The following FAM81A variants were observed in gnomAD, a reference collection of about 807,000 sequenced individuals.
FAM81A encodes the protein family with sequence similarity 81 member A.
FAM81A carries 19 observed loss-of-function variants against 46.7 expected under a neutral mutation model. The observed-to-expected ratio is 0.41, with a 90% CI of 0.28 to 0.60. The LOEUF (loss-of-function observed/expected upper bound fraction) is 0.60, where lower values mean the gene tolerates loss of function less well. Among genes scored for constraint, FAM81A ranks in the 20% least tolerant of loss-of-function variants. FAM81A has a pLI of 0.34. For synonymous variants in FAM81A, 183 were observed against 152.9 expected (o/e 1.20, Z -1.45); for missense variants, 377 against 453.5 (o/e 0.83, Z 1.53).
chr15:59,502,371 C>G (rs1173751214), intron 4 of FAM81A, among the ~76,000 whole-genome samples: 1 of 151,984 alleles, frequency 6.6e-6, no homozygotes, highest in African/African-American at 2.4e-5. Flanking sequence ...TGATGTTCCC[C>G]TTCCTGTGTC....
chr15:59,415,193 A>G (rs900829820), intron 2 of FAM81A, among the ~76,000 whole-genome samples: 39 of 148,838 alleles, frequency 2.6e-4, no homozygotes, highest in Non-Finnish European at 4.6e-4. Flanking sequence ...ATCTCGGCTC[A>G]CTGCAACCTC....
At chr15:59,461,853 G>A (rs1408360095) in intron 3 of FAM81A, among the ~76,000 whole-genome samples, 1 of 152,010 alleles carries the variant, frequency 6.6e-6, no homozygotes, top group African/African-American at 2.4e-5. Context: ...ATTTCTCTTG[G>A]GTAAATTACT....
At chr15:59,473,853 T>C (rs80287393) in intron 3 of FAM81A, among the ~76,000 whole-genome samples, 3,351 of 152,296 alleles carry the variant, frequency 0.022, 50 homozygotes, top group Middle Eastern at 0.044. Flanking sequence ...TTTTATTTTA[T>C]TTTTTTAGAG....
chr15:59,408,198 A>G (rs2081105101), intron 2 of FAM81A: 1 of 152,828 alleles, frequency 6.5e-6, no homozygotes, highest in South Asian at 2.0e-4. Flanking sequence ...TTTTTGTTTG[A>G]TAACTATTCC....
chr15:59,484,053 A>G (rs11071451), intron 3 of FAM81A, among the ~76,000 whole-genome samples: 7,183 of 152,112 alleles, frequency 0.047, 585 homozygotes, highest in African/African-American at 0.16. Flanking sequence ...CCCTTCCACT[A>G]CTCTCAAGAC....
chr15:59,509,855 T>C (rs1383464508), intron 6 of FAM81A, among the ~76,000 whole-genome samples: 1 of 151,964 alleles, frequency 6.6e-6, no homozygotes, highest in African/African-American at 2.4e-5. Flanking sequence ...GGTGAAGCAG[T>C]GGGGCATGAG....
intron 2 of FAM81A, among the ~76,000 whole-genome samples, chr15:59,410,360 A>G (rs2081115033): frequency 6.6e-6 from 1 of 152,246 alleles, no homozygotes; most frequent in East Asian, 1.9e-4. Context: ...ACTGAGGCTT[A>G]AAGAGGTTAA....
intron 7 of FAM81A, 147 bp downstream of exon 7, chr15:59,514,571 G>C: frequency 1.9e-6 from 2 of 1,060,706 alleles, no homozygotes; most frequent in Non-Finnish European, 2.6e-6. Context: ...CCATATTGAT[G>C]CTTTGTATTC....
At chr15:59,491,671 C>T (rs747236584) in intron 3 of FAM81A, among the ~76,000 whole-genome samples, 68 of 152,134 alleles carry the variant, frequency 4.5e-4, no homozygotes, top group Admixed American at 1.4e-3. Flanking sequence ...ATCAAAATAG[C>T]CCATGGCTCA....
intron 3 of FAM81A, among the ~76,000 whole-genome samples, chr15:59,490,585 A>G (rs188657698): frequency 1.3e-5 from 2 of 152,324 alleles, no homozygotes; most frequent in Admixed American, 1.3e-4. Flanking sequence ...TAATCCCAGC[A>G]CTTTGGGAGG....
intron 1 of FAM81A, chr15:59,438,610 A>C (rs1200772046): frequency 1.3e-5 from 2 of 152,172 alleles, no homozygotes; most frequent in African/African-American, 4.8e-5. Flanking sequence ...CCGACCCACT[A>C]CTCAGAGTGA....
At chr15:59,497,720 T>C (rs1282504633) in intron 4 of FAM81A, among the ~76,000 whole-genome samples, 1 of 152,030 alleles carries the variant, frequency 6.6e-6, no homozygotes, top group Non-Finnish European at 1.5e-5. Context: ...TGTATATCTA[T>C]GAAAAAATGA....
Position 59,401,364 on chromosome 15 carries a change from C to T in FAM81A, c.-160-912C>T, listed in dbSNP as rs1164661826. The T allele has an allele frequency of 1.1e-5, 9 of 788,092 alleles. No homozygotes were observed. In the Middle Eastern group the frequency reaches 9.1e-4, roughly 80 times the overall value. 48.8% of individuals were successfully genotyped at this position (788,092 alleles called of 1,614,324 possible). On this transcript the variant is annotated intron_variant, in intron 1 of 4. Coordinates refer to the FAM81A transcript ENST00000558348. Reference sequence around the variant, plus strand: ...TCCATGGCAGTACCTTTGGTAATAACACCCAAAGTTGTATACAGTGGGGAC... The same window carrying T: ...TCCATGGCAGTACCTTTGGTAATAATACCCAAAGTTGTATACAGTGGGGAC...
intron 1 of FAM81A, among the ~76,000 whole-genome samples, chr15:59,398,073 C>A (rs935591581): frequency 6.6e-6 from 1 of 152,108 alleles, no homozygotes. Context: ...CATCACCTAG[C>A]GACTATCAAG....
chr15:59,470,165 G>C (rs1046786939), intron 3 of FAM81A, among the ~76,000 whole-genome samples: 3 of 152,138 alleles, frequency 2.0e-5, no homozygotes, highest in Non-Finnish European at 4.4e-5. Context: ...TCAACCTTGT[G>C]AATCTGACAA....
At chr15:59,449,449 G>T (rs2081388882) in intron 1 of FAM81A, among the ~76,000 whole-genome samples, 1 of 152,108 alleles carries the variant, frequency 6.6e-6, no homozygotes, top group Non-Finnish European at 1.5e-5. Flanking sequence ...AGATGTTACA[G>T]ATTTGGCATA....
In FAM81A at chr15:59,402,381, G is replaced by A. The variant is rs147037966; in HGVS notation, c.-78+23G>A. 5.9e-3 allele frequency: 898 copies of A among 153,186 alleles called. 6 individuals carry two copies. Among genetic ancestry groups the A allele is most frequent in the Middle Eastern group, 0.013 (4 of 298 alleles). 9.5% of individuals were successfully genotyped at this position (153,186 alleles called of 1,614,324 possible). On this transcript the variant is annotated intron_variant, in intron 2 of 4. Transcript: ENST00000558348. ...GAGGTAACAGCATGTGGGACGGGGA[G>A]AGTCTGCTTGTATTCTTCTGCCTCC...
chr15:59,441,097 A>G (rs543205027), intron 1 of FAM81A, among the ~76,000 whole-genome samples: 34 of 152,292 alleles, frequency 2.2e-4, no homozygotes, highest in Admixed American at 2.0e-4. Context: ...AATGTCTACA[A>G]GTCCCTTCCC....
chr15:59,421,767 C>G (rs1315826930), intron 2 of FAM81A, among the ~76,000 whole-genome samples: 1 of 151,448 alleles, frequency 6.6e-6, no homozygotes, highest in African/African-American at 2.4e-5. Flanking sequence ...ATCTATCTAT[C>G]TATCTATCTA....
Sources: gnomAD v4.1 joint callset for allele counts (sites outside exome capture counted in the v4.1 genomes callset) on GRCh38, gnomAD v4.1.1 for gene constraint, MANE v1.5 for transcripts, NCBI Gene and HGNC (gene_info 2026-07-23, HGNC 2026-07-21) for gene names.